Variants in ADGRL2 observed in about 807,000 individuals in gnomAD.
ADGRL2 encodes the protein calcium-independent alpha-latrotoxin receptor 2.
ADGRL2 carries 44 observed loss-of-function variants against 157.4 expected under a neutral mutation model. The ratio of observed to expected loss-of-function variants is 0.28; its 90% CI spans 0.22 to 0.36. The LOEUF (loss-of-function observed/expected upper bound fraction) is 0.36, where lower values mean the gene tolerates loss of function less well. Ranked by LOEUF, ADGRL2 falls within the 10% of genes least tolerant of loss-of-function variation. ADGRL2 has a pLI of 1.00. For missense variants in ADGRL2, 1,510 were observed against 1,768.9 expected, an observed-to-expected ratio of 0.85 and a Z score of 2.63; for synonymous variants, 585 against 624.7, an observed-to-expected ratio of 0.94 and a Z score of 0.95.
chr1:81,678,413 T>C (rs1025201146), intron 3 of ADGRL2, among the ~76,000 whole-genome samples: 1 of 152,210 alleles, frequency 6.6e-6, no homozygotes, highest in Non-Finnish European at 1.5e-5. Context: ...ATTTGGATAA[T>C]TATTTAGGGA....
chr1:81,542,526 T>A (rs2079909685), intron 2 of ADGRL2, among the ~76,000 whole-genome samples: 1 of 152,234 alleles, frequency 6.6e-6, no homozygotes, highest in African/African-American at 2.4e-5. Context: ...CTTTCTCATC[T>A]AGCACCCACC....
At chr1:81,771,521 T>G (rs1041285773) in intron 2 of ADGRL2, among the ~76,000 whole-genome samples, 3 of 152,150 alleles carry the variant, frequency 2.0e-5, no homozygotes, top group African/African-American at 7.2e-5. Context: ...AAATTGCAAG[T>G]CTTACTTCAA....
intron 2 of ADGRL2, chr1:81,503,064 G>A (rs2078890224): frequency 6.2e-6 from 10 of 1,609,722 alleles, no homozygotes; most frequent in Admixed American, 1.7e-5. Context: ...AGCTGCGGGA[G>A]CGGCTGGAGT....
intron 3 of ADGRL2, among the ~76,000 whole-genome samples, 186 bp downstream of exon 3, chr1:81,907,416 C>G (rs1440069504): frequency 6.6e-6 from 1 of 152,146 alleles, no homozygotes; most frequent in Non-Finnish European, 1.5e-5. Context: ...ATATGTAAAT[C>G]ATTCTAATAT....
intron 11 of ADGRL2, among the ~76,000 whole-genome samples, chr1:81,959,349 GTTGT>G (rs1654589226): frequency 6.6e-6 from 1 of 151,960 alleles, no homozygotes; most frequent in Non-Finnish European, 1.5e-5. Context: ...TTTTAATTGG[GTTGT>G]TTGTCTCATT....
At chr1:81,641,600 G>A (rs1161419455) in intron 3 of ADGRL2, among the ~76,000 whole-genome samples, 1 of 152,164 alleles carries the variant, frequency 6.6e-6, no homozygotes, top group Non-Finnish European at 1.5e-5. Context: ...AAGAAGACAT[G>A]TCAAGAGAAA....
chr1:81,440,392 A>C (rs907936037), intron 1 of ADGRL2, among the ~76,000 whole-genome samples: 10 of 152,164 alleles, frequency 6.6e-5, no homozygotes, highest in African/African-American at 1.9e-4. Context: ...ATTGTGTAGG[A>C]ATCAGTACTT....
At chr1:81,981,721 C>G in intron 18 of ADGRL2, 87 bp from the exon 19 acceptor site, 1 of 1,033,590 alleles carries the variant, frequency 9.7e-7, no homozygotes, top group Non-Finnish European at 1.4e-6. Flanking sequence ...AGAAAGTCAA[C>G]TGCTACTACT....
chr1:81,974,415 G>A (rs898483334), intron 17 of ADGRL2, among the ~76,000 whole-genome samples: 1 of 152,056 alleles, frequency 6.6e-6, no homozygotes, highest in Non-Finnish European at 1.5e-5. Flanking sequence ...AGTTCAGTAA[G>A]AGTTCAGCTC....
At chr1:81,552,487 T>C (rs1176366075) in intron 2 of ADGRL2, among the ~76,000 whole-genome samples, 1 of 151,904 alleles carries the variant, frequency 6.6e-6, no homozygotes, top group African/African-American at 2.4e-5. Flanking sequence ...TTCCTTTCTG[T>C]CTCCCATCTA....
chr1:81,367,096 T>G (rs1056810206), intron 1 of ADGRL2, among the ~76,000 whole-genome samples: 1 of 152,200 alleles, frequency 6.6e-6, no homozygotes, highest in Non-Finnish European at 1.5e-5. Context: ...ATGTAAAATA[T>G]CCAGCAACTT....
chr1:81,676,001 GTTTT>G (rs1197245667), intron 3 of ADGRL2, among the ~76,000 whole-genome samples: 1 of 151,974 alleles, frequency 6.6e-6, no homozygotes, highest in Non-Finnish European at 1.5e-5. Context: ...TTTTTGTCTT[GTTTT>G]TTGTTTTTGT....
rs187693661 is a variant in ADGRL2, at chr1:81,831,965, G to A, written c.-100-4920G>A. 2.9e-3 allele frequency among the ~76,000 whole-genome samples: 443 copies of A among 152,204 alleles called. 2 individuals carry two copies. The highest frequency in any genetic ancestry group is 5.4e-3 in the Non-Finnish European group (366 of 68,014). ...CAGTTGAGTTATTTTACCTCTCGGAGCCTCAGATTTCTGACCTTTATAATA... is the reference window on the plus strand; with the variant it reads ...CAGTTGAGTTATTTTACCTCTCGGAACCTCAGATTTCTGACCTTTATAATA... On this transcript the variant is annotated intron_variant, in intron 1 of 23. Coordinates refer to ENST00000686636, the MANE Select transcript of ADGRL2 (RefSeq NM_001366006.2).
At chr1:81,748,432 G>A (rs1289248995) in intron 1 of ADGRL2, among the ~76,000 whole-genome samples, 2 of 124,268 alleles carry the variant, frequency 1.6e-5, no homozygotes, top group African/African-American at 6.3e-5. Flanking sequence ...TCGCGCCACC[G>A]CACTCCAGCC....
At chr1:81,874,127 C>G (rs561927736) in intron 2 of ADGRL2, among the ~76,000 whole-genome samples, 2 of 152,268 alleles carry the variant, frequency 1.3e-5, no homozygotes, top group African/African-American at 2.4e-5. Flanking sequence ...CTCCAACATT[C>G]TTTCTTCACA....
intron 3 of ADGRL2, among the ~76,000 whole-genome samples, chr1:81,639,954 G>T (rs1415264265): frequency 6.6e-6 from 1 of 152,114 alleles, no homozygotes; most frequent in Admixed American, 6.5e-5. Flanking sequence ...GTATTATAGA[G>T]CAGATGACAT....
intron 1 of ADGRL2, among the ~76,000 whole-genome samples, chr1:81,349,213 G>A (rs905715450): frequency 6.6e-6 from 1 of 152,132 alleles, no homozygotes; most frequent in African/African-American, 2.4e-5. Flanking sequence ...TGGCACCAGG[G>A]CAGTCTGCAT....
At chr1:81,714,082 T>C (rs2084027621) in intron 1 of ADGRL2, among the ~76,000 whole-genome samples, 1 of 152,110 alleles carries the variant, frequency 6.6e-6, no homozygotes, top group South Asian at 2.1e-4. Flanking sequence ...TTATTCACTA[T>C]CACGAGAACA....
chr1:81,378,641 C>T lies in ADGRL2; in HGVS notation c.-301-66395C>T, dbSNP rs149158968. On this transcript the variant is annotated intron_variant, in intron 1 of 24. Coordinates refer to the ADGRL2 transcript ENST00000370721. ...TACTAGCAATGTAACCTCCCCATGA[C>T]TTAATCTCTCTTTATGTAAAAATGA... Among the ~76,000 whole-genome samples the T allele has an allele frequency of 1.0e-4, 15 of 149,536 alleles. No individual in the cohort carries two copies. The East Asian group carries it at 3.0e-3, about 30-fold the overall frequency.
Sources: allele counts gnomAD v4.1 joint callset (sites outside exome capture counted in the v4.1 genomes callset), GRCh38; gene constraint gnomAD v4.1.1; transcripts MANE v1.5; gene names NCBI Gene and HGNC (gene_info 2026-07-23, HGNC 2026-07-21).